The following TPP2 variants were observed in gnomAD, a reference collection of about 807,000 sequenced individuals.
TPP2 encodes the protein tripeptidyl peptidase 2.
TPP2 carries 34 observed loss-of-function variants against 155.9 expected under a neutral mutation model. The observed-to-expected ratio is 0.22, with a 90% CI of 0.17 to 0.29. The LOEUF (loss-of-function observed/expected upper bound fraction) is 0.29, where lower values mean the gene tolerates loss of function less well. TPP2 is among the 10% of genes least tolerant of loss of function. The probability of loss-of-function intolerance (pLI) is 1.00; values close to 1 mark genes in which losing one functional copy is unlikely to be tolerated. For missense variants in TPP2, 1,028 were observed against 1,522.3 expected (o/e 0.68, Z 5.40); for synonymous variants, 510 against 529.4 (o/e 0.96, Z 0.50).
chr13:102,635,894 C>G (rs1040730937), intron 12 of TPP2, among the ~76,000 whole-genome samples, 192 bp downstream of exon 12: 1 of 152,036 alleles, frequency 6.6e-6, no homozygotes, highest in African/African-American at 2.4e-5. Context: ...GCACTAAGAT[C>G]AAGAAATGTA....
Position 102,630,111 on chromosome 13 carries a change from T to C in TPP2, c.1160T>C (p.Val387Ala). 6.2e-7 allele frequency: 1 copy of C among 1,613,286 alleles called. No homozygotes were observed. The highest frequency in any genetic ancestry group is 8.5e-7 in the Non-Finnish European group (1 of 1,179,772). Residue 387 changes from valine to alanine, a missense_variant, in exon 10 of 30, where the codon GTT becomes GCT. Physicochemically the swap from Val to Ala is moderately conservative, Grantham distance 64. Around this residue, in one of 7 missense-constraint regions of TPP2, gnomAD observed 63 missense variants for 165.7 expected, o/e 0.38. Transcript: ENST00000376052. ...TSSVIGVGAY[V>A]SPDMMVAEYS... ...CATCCCACAGGTGTTGGTGCTTATGTTTCTCCTGATATGATGGTTGCTGAG... is the reference window on the plus strand; with the variant it reads ...CATCCCACAGGTGTTGGTGCTTATGCTTCTCCTGATATGATGGTTGCTGAG...
chr13:102,615,131 T>C (rs755499033), intron 3 of TPP2, among the ~76,000 whole-genome samples: 3 of 152,226 alleles, frequency 2.0e-5, no homozygotes, highest in Non-Finnish European at 4.4e-5. Context: ...TTACCTTATT[T>C]GTCAGTTTCT....
At chr13:102,649,179 T>A in intron 22 of TPP2, 28 bp downstream of exon 22, 1 of 1,578,490 alleles carries the variant, frequency 6.3e-7, no homozygotes, top group Non-Finnish European at 8.6e-7. Flanking sequence ...TTATACTTAC[T>A]GCCCATCGTA....
Position 102,625,157 on chromosome 13 carries a change from CACTTA to C in TPP2, c.785-1850_785-1846del, listed in dbSNP as rs1335281985. ...ATAGGTGTGAGCCACCACGCCCGGC[CACTTA>C]ACTTTTTTTTTTTTTTTTTTGAGAC... On this transcript the variant is annotated intron_variant, in intron 6 of 29. Coordinates refer to ENST00000376052, the MANE Select transcript of TPP2 (RefSeq NM_001330588.2). Among the ~76,000 whole-genome samples, 200 of 127,520 alleles carry C rather than the reference CACTTA, an allele frequency of 1.6e-3. 1 individual carries two copies. Among genetic ancestry groups the C allele is most frequent in the African/African-American group, 6.1e-3 (194 of 31,958 alleles). The allele number at this position is 127,520 out of a possible 152,430, so 83.7% of individuals were successfully genotyped here. A position where few individuals can be genotyped will look rare whatever the true frequency, so the allele number is the denominator to read the frequency against.
intron 7 of TPP2, 46 bp downstream of exon 7, chr13:102,627,212 T>A: frequency 2.7e-6 from 4 of 1,505,040 alleles, no homozygotes; most frequent in Non-Finnish European, 3.6e-6. Context: ...TGATTAATGA[T>A]CTTGGATATT....
At chr13:102,636,480 G>C in intron 13 of TPP2, 88 bp downstream of exon 13, 1 of 1,408,306 alleles carries the variant, frequency 7.1e-7, no homozygotes. Context: ...GTTTGGGCCA[G>C]TGTTGTGAAG....
At position 102,597,015 on chromosome 13, in the gene TPP2, T is replaced by A; in HGVS notation, c.-24T>A. 6.2e-7 allele frequency: 1 copy of A among 1,608,066 alleles called. No individual in the cohort carries two copies. Among genetic ancestry groups the A allele is most frequent in the Non-Finnish European group, 8.5e-7 (1 of 1,177,742 alleles). On this transcript the variant is annotated 5_prime_UTR_variant, in exon 1 of 30. Coordinates refer to ENST00000376052, the MANE Select transcript of TPP2 (RefSeq NM_001330588.2). ...CGCGCGCAGCCTGGCAGTTTGCCGC[T>A]TCCTCGTCCTCCATCCTGCGTCCAT... is the stretch of plus-strand genomic sequence containing the variant.
intron 22 of TPP2, 42 bp from the exon 23 acceptor site, chr13:102,649,366 T>A (rs576636635): frequency 1.3e-6 from 2 of 1,577,706 alleles, no homozygotes; most frequent in Non-Finnish European, 1.7e-6. Context: ...TGTGAAACTT[T>A]CTCTTTTGTT....
chr13:102,677,449 T>C (rs894543706), intron 29 of TPP2, among the ~76,000 whole-genome samples: 1 of 152,168 alleles, frequency 6.6e-6, no homozygotes, highest in Non-Finnish European at 1.5e-5. Flanking sequence ...TCCATCACAT[T>C]TGGAATAAAA....
chr13:102,630,228 A>G (rs754454390), intron 10 of TPP2, 33 bp downstream of exon 10: 3 of 1,531,274 alleles, frequency 2.0e-6, no homozygotes, highest in South Asian at 2.3e-5. Flanking sequence ...ACCATTACGT[A>G]TATTCGGTTA....
chr13:102,611,730 T>G (rs1312170620), intron 2 of TPP2, among the ~76,000 whole-genome samples: 9 of 152,210 alleles, frequency 5.9e-5, no homozygotes, highest in Admixed American at 5.9e-4. Context: ...ATCATAGAGA[T>G]ATTCTCCTAT....
chr13:102,629,935 C>A (rs2139485794), intron 9 of TPP2, among the ~76,000 whole-genome samples, 161 bp from the exon 10 acceptor site: 1 of 152,272 alleles, frequency 6.6e-6, no homozygotes, highest in African/African-American at 2.4e-5. Context: ...ATGTATGGTA[C>A]ATAGTAGACT....
Position 102,654,998 on chromosome 13 carries a change from C to A in TPP2, c.2992-2058C>A, listed in dbSNP as rs777543882. 6 of 510,018 alleles carry A rather than the reference C, an allele frequency of 1.2e-5. 1 individual carries two copies. The highest frequency in any genetic ancestry group is 8.7e-5 in the South Asian group (6 of 69,340). 31.6% of individuals were successfully genotyped at this position (510,018 alleles called of 1,614,324 possible). ...TAGACCTGTTTCCTTTTCCCAGTCT[C>A]ATGTTTCACGTGAGGCCTTTGTTTA... On this transcript the variant is annotated intron_variant, in intron 24 of 29. Coordinates refer to ENST00000376052, the MANE Select transcript of TPP2 (RefSeq NM_001330588.2).
rs753543782 is a variant in TPP2, at chr13:102,616,416, C to A, written c.411C>A (p.Ile137=). ...TGCAGAAAGAACGGAAGGAAAAAATCTGGGACCCTGTTCACAGAGTGGCCC... is the reference window on the plus strand; with the variant it reads ...TGCAGAAAGAACGGAAGGAAAAAATATGGGACCCTGTTCACAGAGTGGCCC... The part of the protein sequence containing the change: ...ERIQKERKEK[I]WDPVHRVALA... Residue 137 remains isoleucine (I), a synonymous_variant, in exon 4 of 30, where the codon ATC becomes ATA. Transcript: ENST00000376052. 1.7e-5 allele frequency: 28 copies of A among 1,611,686 alleles called. No individual in the cohort carries two copies. The highest frequency in any genetic ancestry group is 2.2e-5 in the Non-Finnish European group (26 of 1,179,230).
intron 24 of TPP2, among the ~76,000 whole-genome samples, chr13:102,652,576 C>T (rs1566359371): frequency 6.6e-6 from 1 of 151,736 alleles, no homozygotes; most frequent in Non-Finnish European, 1.5e-5. Flanking sequence ...CTAATGTATA[C>T]TTGTTAATTA....
chr13:102,616,245 C>A, intron 3 of TPP2, 151 bp from the exon 4 acceptor site: 1 of 542,586 alleles, frequency 1.8e-6, no homozygotes, highest in Non-Finnish European at 3.0e-6. Context: ...GCGTGAGCCA[C>A]CACACCCGGC....
Position 102,649,030 on chromosome 13 carries a change from T to G in TPP2, c.2752T>G (p.Leu918Val). ...TGTTTCTCATAGATTGTCTAATACC[T>G]TGAGCTTAGATATTCATGAAAATCA... The part of the protein sequence containing the change: ...FIVSHRLSNT[L>V]SLDIHENHSF... The change falls in exon 22 of 30, where the codon TTG (leucine) becomes GTG (valine). Residue 918 changes from leucine (L) to valine (V), a missense_variant. Around this residue, in one of 7 missense-constraint regions of TPP2, gnomAD observed 179 missense variants for 274.7 expected, o/e 0.65. Coordinates refer to ENST00000376052, the MANE Select transcript of TPP2 (RefSeq NM_001330588.2). 6.2e-7 allele frequency: 1 copy of G among 1,613,916 alleles called. No individual in the cohort carries two copies. The highest frequency in any genetic ancestry group is 8.5e-7 in the Non-Finnish European group (1 of 1,179,946).
At chr13:102,654,683 C>A (rs1171901012) in intron 24 of TPP2, among the ~76,000 whole-genome samples, 2 of 152,142 alleles carry the variant, frequency 1.3e-5, no homozygotes, top group Non-Finnish European at 2.9e-5. Flanking sequence ...GGAGACCACT[C>A]TTCTAGCACA....
intron 13 of TPP2, 88 bp downstream of exon 13, chr13:102,636,480 G>A: frequency 1.4e-6 from 2 of 1,408,306 alleles, no homozygotes; most frequent in East Asian, 4.7e-5. Flanking sequence ...GTTTGGGCCA[G>A]TGTTGTGAAG....
Sources: allele counts gnomAD v4.1 joint callset (sites outside exome capture counted in the v4.1 genomes callset), GRCh38; gene constraint gnomAD v4.1.1; regional missense constraint gnomAD v4.1.1; transcripts MANE v1.5; gene names NCBI Gene and HGNC (gene_info 2026-07-23, HGNC 2026-07-21).